LAMA1: variants seen among roughly 807,000 people sequenced by gnomAD.
LAMA1 encodes laminin subunit alpha 1.
A neutral mutation model predicts 348.7 loss-of-function variants in LAMA1; 219 were observed. The ratio of observed to expected loss-of-function variants is 0.63; its 90% CI spans 0.56 to 0.70. LAMA1 has a LOEUF of 0.70. Ranked by LOEUF, LAMA1 falls within the 30% of genes least tolerant of loss-of-function variation. The pLI is 0.00. For synonymous variants in LAMA1, 1,487 were observed against 1,491.0 expected (o/e 1.00, Z 0.06); for missense variants, 3,744 against 3,888.0 (o/e 0.96, Z 0.99).
intron 22 of LAMA1, among the ~76,000 whole-genome samples, chr18:7,014,266 C>A (rs893153178): frequency 6.6e-6 from 1 of 152,148 alleles, no homozygotes; most frequent in African/African-American, 2.4e-5. Flanking sequence ...CACATGCGCA[C>A]GGGGCCAGAA....
At chr18:7,035,936 C>T in intron 13 of LAMA1, 51 bp downstream of exon 13, 1 of 1,431,838 alleles carries the variant, frequency 7.0e-7, no homozygotes, top group Non-Finnish European at 9.7e-7. Flanking sequence ...CATAAACTAT[C>T]AGCCCACTAA....
At chr18:7,035,591 A>AT (rs1016687930) in intron 13 of LAMA1, among the ~76,000 whole-genome samples, 3 of 151,872 alleles carry the variant, frequency 2.0e-5, no homozygotes. Context: ...CCTGGCTAAT[A>AT]TTTTTTGAGA....
chr18:7,040,647 ACTC>A (rs2058016461), intron 9 of LAMA1, among the ~76,000 whole-genome samples: 1 of 152,164 alleles, frequency 6.6e-6, no homozygotes, highest in African/African-American at 2.4e-5. Flanking sequence ...CAGCAACTGC[ACTC>A]CTAAGTAAAC....
intron 1 of LAMA1, among the ~76,000 whole-genome samples, chr18:7,107,810 T>C (rs180757134): frequency 1.3e-3 from 183 of 141,802 alleles, no homozygotes; most frequent in African/African-American, 2.9e-3. Flanking sequence ...GTCAGGAGAT[T>C]GAGACCGTCC....
chr18:6,959,399 G>A lies in LAMA1; in HGVS notation c.7720C>T (p.Pro2574Ser), dbSNP rs200193936. ...TGLRKALLHAPTGTCSDGQAH... is the reference protein window; with the variant it reads ...TGLRKALLHASTGTCSDGQAH... Reference sequence around the variant, plus strand: ...TGTCCATCACTGCAGGTACCCGTGGGAGCGTGCAGGAGAGCTTTTCTCAGG... The same window carrying A: ...TGTCCATCACTGCAGGTACCCGTGGAAGCGTGCAGGAGAGCTTTTCTCAGG... The change falls in exon 54 of 63, where the codon CCC becomes TCC. Residue 2574 changes from proline (P) to serine (S), a missense_variant. Coordinates refer to ENST00000389658, the MANE Select transcript of LAMA1 (RefSeq NM_005559.4). 1.3e-5 allele frequency: 21 copies of A among 1,614,060 alleles called. No homozygotes were observed. Among genetic ancestry groups the A allele is most frequent in the South Asian group, 9.9e-5 (9 of 91,082 alleles).
At position 6,968,342 on chromosome 18, in the gene LAMA1, C is replaced by A. The variant is rs143666795; in HGVS notation, c.6900-2045G>T. Reference sequence around the variant, plus strand: ...AATCCGGAGCTGACCTACTAGCATGCCCTGCTGCCGTCATGCGAGGGCATG... The same window carrying A: ...AATCCGGAGCTGACCTACTAGCATGACCTGCTGCCGTCATGCGAGGGCATG... On this transcript the variant is annotated intron_variant, in intron 48 of 62. Transcript: ENST00000389658. 3.0e-3 allele frequency among the ~76,000 whole-genome samples: 452 copies of A among 152,336 alleles called. 3 individuals carry two copies. Among genetic ancestry groups the A allele is most frequent in the Middle Eastern group, 0.027 (8 of 294 alleles).
At chr18:7,090,831 C>A (rs577218432) in intron 1 of LAMA1, among the ~76,000 whole-genome samples, 2 of 152,076 alleles carry the variant, frequency 1.3e-5, no homozygotes, top group South Asian at 4.2e-4. Context: ...TCTTTTCCCC[C>A]CTCATGTGAG....
intron 42 of LAMA1, among the ~76,000 whole-genome samples, chr18:6,979,528 A>G (rs1257909217): frequency 3.9e-5 from 6 of 152,148 alleles, no homozygotes. Context: ...TTTTCAAAGT[A>G]AAAAACAACA....
rs571695815 is a variant in LAMA1 at position 7,025,923 on chromosome 18, CTGGG to C, written c.2402+52_2402+55del. The C allele has an allele frequency of 1.8e-3, 2,833 of 1,571,686 alleles. 6 individuals carry two copies. The highest frequency in any genetic ancestry group is 2.2e-3 in the Non-Finnish European group (2,543 of 1,157,978). On this transcript the variant is annotated intron_variant, in intron 17 of 62. Transcript: ENST00000389658. ...TTGCTCTGAAGTCATTAGTACGCAT[CTGGG>C]TGGGAATCCTGGCCATGCTGGCAGG...
intron 4 of LAMA1, among the ~76,000 whole-genome samples, 193 bp from the exon 5 acceptor site, chr18:7,049,450 C>A (rs1241816416): frequency 6.6e-6 from 1 of 152,112 alleles, no homozygotes; most frequent in East Asian, 1.9e-4. Flanking sequence ...TAGGTGTGCA[C>A]CACCACGCCC....
chr18:6,977,975 C>T, intron 43 of LAMA1, 94 bp from the exon 44 acceptor site: 1 of 1,398,038 alleles, frequency 7.2e-7, no homozygotes, highest in Admixed American at 1.8e-5. Context: ...CTTGGTAAAA[C>T]AACACCCTAA....
chr18:7,102,178 AAGTT>A (rs1199122477), intron 1 of LAMA1, among the ~76,000 whole-genome samples: 8 of 152,330 alleles, frequency 5.3e-5, no homozygotes, highest in African/African-American at 1.4e-4. Flanking sequence ...TAAACCAACA[AAGTT>A]AGAAACCACT....
intron 57 of LAMA1, 22 bp downstream of exon 57, chr18:6,955,331 A>C (rs1405696079): frequency 6.4e-7 from 1 of 1,573,042 alleles, no homozygotes; most frequent in East Asian, 2.2e-5. Context: ...ACGCCGCATA[A>C]GGATGTTAGA....
intron 56 of LAMA1, 51 bp downstream of exon 56, chr18:6,956,585 G>A (rs755105201): frequency 9.9e-6 from 16 of 1,612,680 alleles, no homozygotes; most frequent in Non-Finnish European, 1.2e-5. Flanking sequence ...TCTGTCCTAG[G>A]CCCTCCTTTG....
In LAMA1 at chr18:6,986,128, G is replaced by A. The variant is rs1024567214; in HGVS notation, c.5379+9C>T. 16 of 1,613,846 alleles carry A rather than the reference G, an allele frequency of 9.9e-6. No individual in the cohort carries two copies. The highest frequency in any genetic ancestry group is 1.3e-5 in the Non-Finnish European group (15 of 1,179,868). The stretch of plus-strand genomic sequence containing the variant: ...TCTAATTGAGAAGGAGAGAGCAAGT[G>A]AGACTCACACTGAATTCTCTCAGAT... On this transcript the variant is annotated intron_variant, in intron 37 of 62. Coordinates refer to ENST00000389658, the MANE Select transcript of LAMA1 (RefSeq NM_005559.4).
chr18:7,027,080 C>A (rs776463687), intron 16 of LAMA1, among the ~76,000 whole-genome samples: 1 of 151,652 alleles, frequency 6.6e-6, no homozygotes, highest in Non-Finnish European at 1.5e-5. Context: ...CCTAAGGAGA[C>A]ACAACAATAA....
chr18:7,089,894 T>C lies in LAMA1; in HGVS notation c.62-9437A>G, dbSNP rs79951673. On this transcript the variant is annotated intron_variant, in intron 1 of 62. Transcript: ENST00000389658. ...TGTTTACAAGTTGTGGCGAAATTCA[T>C]CTTCACTCAAACCTTTTATTTCCCC... is the stretch of plus-strand genomic sequence containing the variant. Among the ~76,000 whole-genome samples, 903 of 152,246 alleles carry C rather than the reference T, an allele frequency of 5.9e-3. 8 individuals carry two copies. The highest frequency in any genetic ancestry group is 0.02 in the African/African-American group (812 of 41,566).
rs1382532864 is a variant in LAMA1, at chr18:7,060,229, AGTT to A, written c.346-9296_346-9294del. ...TGAAATGTCATTTATATTATATTTC[AGTT>A]GGCAGTTTTAACTGTTATCTCATTT... On this transcript the variant is annotated intron_variant, in intron 3 of 62. Transcript: ENST00000389658. 5.3e-5 allele frequency among the ~76,000 whole-genome samples: 8 copies of A among 152,218 alleles called. No homozygotes were observed. The East Asian group carries it at 1.5e-3, about 29-fold the overall frequency.
At chr18:7,014,096 G>T in intron 22 of LAMA1, 45 bp from the exon 23 acceptor site, 1 of 1,370,904 alleles carries the variant, frequency 7.3e-7, no homozygotes, top group South Asian at 1.2e-5. Flanking sequence ...CAGATTTGAT[G>T]CTTCCAAATG....
Sources: allele counts gnomAD v4.1 joint callset (sites outside exome capture counted in the v4.1 genomes callset), GRCh38; gene constraint gnomAD v4.1.1; transcripts MANE v1.5; gene names NCBI Gene and HGNC (gene_info 2026-07-23, HGNC 2026-07-21).